Variants in HID1 observed in about 807,000 individuals in gnomAD.
The protein encoded by HID1 is protein HID1.
HID1 carries 42 observed loss-of-function variants against 89.7 expected under a neutral mutation model. That is an observed-to-expected ratio of 0.47 (90% CI 0.37 to 0.61). HID1 has a LOEUF of 0.61. Among genes scored for constraint, HID1 ranks in the 20% least tolerant of loss-of-function variants. HID1 has a pLI of 0.00. For missense variants in HID1, 854 were observed against 1,039.3 expected (o/e 0.82, Z 2.45); for synonymous variants, 442 against 433.8 (o/e 1.02, Z -0.24).
Position 74,953,696 on chromosome 17 carries a change from C to T in HID1, c.1865-45G>A, listed in dbSNP as rs2039342717. On this transcript the variant is annotated intron_variant, in intron 14 of 18. Transcript: ENST00000425042. ...GAGTGAGGACTCCCTGCCACAGTGA[C>T]CCTTCTAGCCCTTCCTCCACCCACT... 2.1e-6 allele frequency: 3 copies of T among 1,424,234 alleles called. No homozygotes were observed. The South Asian group carries it at 3.5e-5, about 16-fold the overall frequency. 88.2% of individuals were successfully genotyped at this position (1,424,234 alleles called of 1,614,324 possible). A position where few individuals can be genotyped will look rare whatever the true frequency, so the allele number is the denominator to read the frequency against.
At chr17:74,956,341 G>A (rs991592407) in intron 12 of HID1, among the ~76,000 whole-genome samples, 10 of 152,136 alleles carry the variant, frequency 6.6e-5, no homozygotes, top group African/African-American at 9.7e-5. Context: ...TGAAATGATC[G>A]GGCAGGGATA....
chr17:74,951,821 G>A (rs2039304819), intron 18 of HID1, 84 bp downstream of exon 18: 1 of 1,418,654 alleles, frequency 7.0e-7, no homozygotes, highest in Non-Finnish European at 9.4e-7. Flanking sequence ...TCCACCATAG[G>A]TGGTGGGGCC....
At chr17:74,968,501 T>A (rs1203630005) in intron 1 of HID1, among the ~76,000 whole-genome samples, 2 of 152,062 alleles carry the variant, frequency 1.3e-5, no homozygotes, top group African/African-American at 2.4e-5. Context: ...AGCTGCAGGG[T>A]AACATGTGGC....
chr17:74,953,937 T>C (rs1049401107), intron 14 of HID1, among the ~76,000 whole-genome samples: 8 of 150,932 alleles, frequency 5.3e-5, no homozygotes, highest in Non-Finnish European at 8.8e-5. Context: ...ACACTCGCCC[T>C]GAGGCTTTGC....
In HID1 at chr17:74,972,711, C is replaced by A. The variant is rs1054758219; in HGVS notation, c.-55G>T. ...CGCCCAGACTCCAACCCGGCTCCGG[C>A]TTCAGCTCCGGCTCCAGCTCCGCGG... On this transcript the variant is annotated 5_prime_UTR_variant, in exon 1 of 19. Transcript: ENST00000425042. The surrounding 1 kb of genome is among the most constrained non-coding windows in gnomAD (Gnocchi z 6.4). 1.6e-5 allele frequency: 23 copies of A among 1,468,224 alleles called. No homozygotes were observed. The African/African-American group carries it at 3.1e-4, about 20-fold the overall frequency. 90.9% of individuals were successfully genotyped at this position (1,468,224 alleles called of 1,614,324 possible).
chr17:74,971,947 C>G (rs916767599), intron 1 of HID1, among the ~76,000 whole-genome samples: 1 of 152,114 alleles, frequency 6.6e-6, no homozygotes, highest in African/African-American at 2.4e-5. Flanking sequence ...TCGGGGAAGG[C>G]CCCTGGAGAG....
In HID1 at chr17:74,952,067, CG is replaced by C; in HGVS notation, c.2145-5del. 6.4e-7 allele frequency: 1 copy of C among 1,555,378 alleles called. No homozygotes were observed. The highest frequency in any genetic ancestry group is 1.2e-5 in the South Asian group (1 of 84,372). On this transcript the variant is annotated splice_polypyrimidine_tract_variant and splice_region_variant and intron_variant, in intron 17 of 18. Coordinates refer to ENST00000425042, the MANE Select transcript of HID1 (RefSeq NM_030630.3). The stretch of plus-strand genomic sequence containing the variant: ...CTCAGACTCATCCGTCAGGCCCCTG[CG>C]GGGAGAGGGGTATCTCCAGCACACT...
chr17:74,965,403 C>A (rs1347294827), intron 1 of HID1, among the ~76,000 whole-genome samples: 2 of 152,268 alleles, frequency 1.3e-5, no homozygotes, highest in Non-Finnish European at 2.9e-5. Context: ...CAGCCCAGCA[C>A]TCAGCCAAGA....
chr17:74,958,803 G>C lies in HID1; in HGVS notation c.1150-40C>G. 1 of 1,605,362 alleles carries C rather than the reference G, an allele frequency of 6.2e-7. No homozygotes were observed. The highest frequency in any genetic ancestry group is 8.5e-7 in the Non-Finnish European group (1 of 1,174,350). ...AGGGGCCAAGTGGGCTGAGTTCAAG[G>C]GAGGGGCAGCTCTGCCCCACCCCCC... On this transcript the variant is annotated intron_variant, in intron 9 of 18. Transcript: ENST00000425042. This position sits in a 1 kb window ranked among gnomAD's most constrained non-coding sequence, Gnocchi z 5.2.
In HID1 at chr17:74,958,650, T is replaced by TA; in HGVS notation, c.1240+22_1240+23insT. 2 of 1,163,200 alleles carry TA rather than the reference T, an allele frequency of 1.7e-6. No individual in the cohort carries two copies. The highest frequency in any genetic ancestry group is 1.2e-5 in the South Asian group (1 of 81,690). 72.1% of individuals were successfully genotyped at this position (1,163,200 alleles called of 1,614,324 possible). On this transcript the variant is annotated intron_variant, in intron 10 of 18. Coordinates refer to ENST00000425042, the MANE Select transcript of HID1 (RefSeq NM_030630.3). This position sits in a 1 kb window ranked among gnomAD's most constrained non-coding sequence, Gnocchi z 5.2. ...CTCGCCGCCAGGAAAGCCCCCAGCA[T>TA]CCCACCCCCACCCTGGTCTTACACT...
Position 74,972,576 on chromosome 17 carries a change from GC to G in HID1, c.66+14del. On this transcript the variant is annotated intron_variant, in intron 1 of 18. Transcript: ENST00000425042. This position sits in a 1 kb window ranked among gnomAD's most constrained non-coding sequence, Gnocchi z 6.4. ...CCGGCAGGTGGATGGGGACGCCGGG[GC>G]CCCCGTGGCGCACCTGCGTCTTGGT... 2 of 1,541,176 alleles carry G rather than the reference GC, an allele frequency of 1.3e-6. No individual in the cohort carries two copies. Among genetic ancestry groups the G allele is most frequent in the Non-Finnish European group, 1.8e-6 (2 of 1,141,744 alleles).
Position 74,959,063 on chromosome 17 carries a change from G to A in HID1, c.1009-12C>T. 6.5e-7 allele frequency: 1 copy of A among 1,545,282 alleles called. No homozygotes were observed. The highest frequency in any genetic ancestry group is 8.7e-7 in the Non-Finnish European group (1 of 1,152,648). On this transcript the variant is annotated splice_polypyrimidine_tract_variant and intron_variant, in intron 8 of 18. Coordinates refer to ENST00000425042, the MANE Select transcript of HID1 (RefSeq NM_030630.3). This position sits in a 1 kb window ranked among gnomAD's most constrained non-coding sequence, Gnocchi z 4.6. ...ATGAACTGGAAGTCCTGGGGGCGAG[G>A]GCAGAGCAGGGGGCCTGTCCAGCCC...
chr17:74,963,446 C>T (rs775803032), intron 3 of HID1: 5 of 511,824 alleles, frequency 9.8e-6, no homozygotes, highest in Non-Finnish European at 1.7e-5. Flanking sequence ...GGTCCCTCTC[C>T]GGCCCTCAGA....
At chr17:74,952,455 C>G in intron 16 of HID1, 95 bp from the exon 17 acceptor site, 1 of 813,954 alleles carries the variant, frequency 1.2e-6, no homozygotes, top group South Asian at 1.5e-5. Context: ...CTCCCCAAGG[C>G]AGAAAGTACC....
chr17:74,951,797 G>C (rs551856082), intron 18 of HID1, 108 bp downstream of exon 18: 7 of 1,393,326 alleles, frequency 5.0e-6, no homozygotes, highest in South Asian at 1.4e-5. Context: ...TTAGTTGACT[G>C]TCTTGACATG....
At position 74,960,260 on chromosome 17, in the gene HID1, G is replaced by A. The variant is rs776514303; in HGVS notation, c.729-12C>T. The A allele has an allele frequency of 6.2e-7, 1 of 1,600,714 alleles. No individual in the cohort carries two copies. Among genetic ancestry groups the A allele is most frequent in the East Asian group, 2.2e-5 (1 of 44,802 alleles). The stretch of plus-strand genomic sequence containing the variant: ...GGGGCAGGGCATGTCTGCAGCAGGA[G>A]AGGGACAAGGCTGCAGAGGCTGCAC... On this transcript the variant is annotated splice_polypyrimidine_tract_variant and intron_variant, in intron 6 of 18. Transcript: ENST00000425042.
At chr17:74,971,450 C>T (rs538151933) in intron 1 of HID1, among the ~76,000 whole-genome samples, 1 of 152,368 alleles carries the variant, frequency 6.6e-6, no homozygotes, top group East Asian at 1.9e-4. Context: ...TGGGCATTTG[C>T]TGCACATTTG....
Position 74,958,199 on chromosome 17 carries a change from G to T in HID1, c.1413C>A (p.Thr471=). Residue 471 remains threonine, a synonymous_variant, in exon 12 of 19, where the codon ACC becomes ACA. Transcript: ENST00000425042. This position sits in a 1 kb window ranked among gnomAD's most constrained non-coding sequence, Gnocchi z 5.2. ...GGGGCTGCAACCGCTGGTGCCCGCT[G>T]GTGATGATCTTGTGGAACACCTGTG... ...LLIVVFHKII[T]SGHQRLQPLF... is the part of the protein sequence containing the mutation. 1 of 1,611,494 alleles carries T rather than the reference G, an allele frequency of 6.2e-7. No homozygotes were observed. The highest frequency in any genetic ancestry group is 1.7e-5 in the Admixed American group (1 of 59,696).
At chr17:74,964,140 C>G (rs1438404028) in intron 2 of HID1, 10 of 599,098 alleles carry the variant, frequency 1.7e-5, no homozygotes, top group Non-Finnish European at 3.0e-5. Context: ...ACAGCCAGGG[C>G]CCAGCTAGCC....
Sources: gnomAD v4.1 joint callset for allele counts (sites outside exome capture counted in the v4.1 genomes callset) on GRCh38, gnomAD v4.1.1 for gene constraint, Gnocchi (gnomAD v3.1) non-coding constraint, MANE v1.5 for transcripts, NCBI Gene and HGNC (gene_info 2026-07-23, HGNC 2026-07-21) for gene names.